Variants in SUPT3H observed in about 807,000 individuals in gnomAD.
SUPT3H encodes the protein transcription initiation protein SPT3 homolog.
A neutral mutation model predicts 44.3 loss-of-function variants in SUPT3H; 44 were observed. The observed-to-expected ratio is 0.99, with a 90% CI of 0.78 to 1.28. SUPT3H has a LOEUF of 1.28. SUPT3H is among the 50% of genes most tolerant of loss of function. The pLI, the probability that SUPT3H is intolerant of heterozygous loss-of-function variation, is 0.00. For missense variants in SUPT3H, 380 were observed against 387.1 expected, an observed-to-expected ratio of 0.98 and a Z score of 0.15; for synonymous variants, 124 against 125.6, an observed-to-expected ratio of 0.99 and a Z score of 0.09.
chr6:44,994,190 T>A (rs1289724739), intron 6 of SUPT3H, among the ~76,000 whole-genome samples: 1 of 152,170 alleles, frequency 6.6e-6, no homozygotes. Context: ...GCAAAGGCCA[T>A]ATTTTATCTT....
At chr6:45,260,047 C>T (rs971162756) in intron 2 of SUPT3H, among the ~76,000 whole-genome samples, 5 of 152,148 alleles carry the variant, frequency 3.3e-5, no homozygotes, top group Non-Finnish European at 5.9e-5. Context: ...CACTGTTCTT[C>T]ATCGAAGTCT....
intron 10 of SUPT3H, among the ~76,000 whole-genome samples, chr6:44,915,437 C>G (rs886815375): frequency 3.9e-5 from 6 of 152,004 alleles, no homozygotes; most frequent in African/African-American, 9.7e-5. Flanking sequence ...TACCATAAAC[C>G]AAAAGTAAAG....
intron 10 of SUPT3H, among the ~76,000 whole-genome samples, chr6:44,865,352 T>C (rs1775333677): frequency 6.6e-6 from 1 of 152,212 alleles, no homozygotes. Context: ...CCAAAGTCAC[T>C]TCCACATTTT....
At chr6:45,233,061 G>C (rs1010367225) in intron 2 of SUPT3H, among the ~76,000 whole-genome samples, 2 of 152,160 alleles carry the variant, frequency 1.3e-5, no homozygotes, top group African/African-American at 4.8e-5. Context: ...TGGGGGCAGG[G>C]TCACTTCTCA....
At chr6:45,247,698 T>C (rs1771617961) in intron 2 of SUPT3H, among the ~76,000 whole-genome samples, 1 of 151,890 alleles carries the variant, frequency 6.6e-6, no homozygotes, top group African/African-American at 2.4e-5. Context: ...CCATTTTTTT[T>C]TTTTTTGTAG....
chr6:45,111,465 T>G (rs1800044373), intron 2 of SUPT3H, among the ~76,000 whole-genome samples: 1 of 151,976 alleles, frequency 6.6e-6, no homozygotes, highest in Admixed American at 6.6e-5. Flanking sequence ...TTTTCCAAAG[T>G]GTTCCCTACC....
intron 10 of SUPT3H, among the ~76,000 whole-genome samples, chr6:44,886,666 C>A (rs1369314480): frequency 3.9e-5 from 6 of 152,046 alleles, no homozygotes; most frequent in African/African-American, 1.2e-4. Context: ...CAAAATCATG[C>A]CAAATTGTAA....
intron 2 of SUPT3H, among the ~76,000 whole-genome samples, chr6:45,258,704 T>A (rs972081641): frequency 2.0e-5 from 3 of 152,160 alleles, no homozygotes; most frequent in African/African-American, 7.2e-5. Context: ...AATCTGTCTA[T>A]GGAAAACTAA....
chr6:45,284,666 C>T (rs1778873795), intron 2 of SUPT3H, among the ~76,000 whole-genome samples: 1 of 152,150 alleles, frequency 6.6e-6, no homozygotes, highest in Non-Finnish European at 1.5e-5. Flanking sequence ...ACCAGAGTTA[C>T]AAGGAAGAGC....
chr6:44,979,757 T>C (rs1778839304), intron 6 of SUPT3H, among the ~76,000 whole-genome samples: 1 of 152,178 alleles, frequency 6.6e-6, no homozygotes, highest in Non-Finnish European at 1.5e-5. Context: ...TTCATTTCAT[T>C]GGCACAAATT....
chr6:45,203,333 G>A (rs753983501), intron 2 of SUPT3H, among the ~76,000 whole-genome samples: 1 of 151,908 alleles, frequency 6.6e-6, no homozygotes, highest in African/African-American at 2.4e-5. Context: ...ACTTTCCTCT[G>A]CCCTACACTC....
intron 10 of SUPT3H, among the ~76,000 whole-genome samples, chr6:44,906,579 T>C (rs1448964262): frequency 2.6e-5 from 4 of 152,172 alleles, no homozygotes; most frequent in South Asian, 2.1e-4. Flanking sequence ...CTGGCCAACA[T>C]TGTGAAACCC....
chr6:44,820,113 G>A (rs1767194159), intron 11 of SUPT3H, among the ~76,000 whole-genome samples: 1 of 152,162 alleles, frequency 6.6e-6, no homozygotes, highest in Non-Finnish European at 1.5e-5. Context: ...CAGCTACTCA[G>A]GAGGCTGAGG....
chr6:45,230,499 G>T (rs1221168550), intron 2 of SUPT3H, among the ~76,000 whole-genome samples: 1 of 150,280 alleles, frequency 6.7e-6, no homozygotes, highest in Non-Finnish European at 1.5e-5. Flanking sequence ...TTTTTTATGG[G>T]TTTTGTTTTA....
chr6:44,936,944 G>A (rs1192674155), intron 9 of SUPT3H, among the ~76,000 whole-genome samples: 3 of 151,998 alleles, frequency 2.0e-5, no homozygotes, highest in Non-Finnish European at 4.4e-5. Context: ...TGGAATTACA[G>A]GCATGAGCCA....
intron 3 of SUPT3H, among the ~76,000 whole-genome samples, chr6:45,049,005 T>C (rs1018413070): frequency 6.6e-6 from 1 of 152,134 alleles, no homozygotes; most frequent in Non-Finnish European, 1.5e-5. Context: ...AACAAATGTA[T>C]TCTCGCAAAT....
intron 5 of SUPT3H, among the ~76,000 whole-genome samples, chr6:45,009,768 T>C (rs1236714843): frequency 6.6e-6 from 1 of 152,164 alleles, no homozygotes; most frequent in African/African-American, 2.4e-5. Flanking sequence ...TATTCTTTGT[T>C]AAGATTGTTC....
At chr6:44,841,275 C>T (rs568511860) in intron 10 of SUPT3H, among the ~76,000 whole-genome samples, 1 of 152,272 alleles carries the variant, frequency 6.6e-6, no homozygotes, top group East Asian at 1.9e-4. Flanking sequence ...ATTATTATAT[C>T]TCCTGTAATG....
At chr6:45,212,481 ATGTGTGTGTGTGTGTG>A (rs11269206) in intron 2 of SUPT3H, among the ~76,000 whole-genome samples, 235 of 43,424 alleles carry the variant, frequency 5.4e-3, no homozygotes, top group African/African-American at 8.3e-3. Context: ...CACCTCCACT[ATGTGTGTGTGTGTGTG>A]TGTGTGTGTG....
Sources: allele counts gnomAD v4.1 joint callset (sites outside exome capture counted in the v4.1 genomes callset), GRCh38; gene constraint gnomAD v4.1.1; transcripts MANE v1.5; gene names NCBI Gene and HGNC (gene_info 2026-07-23, HGNC 2026-07-21).